Variants in CTNNA3 observed in about 807,000 individuals in gnomAD.
The protein encoded by CTNNA3 is catenin alpha 3.
A neutral mutation model predicts 95.7 loss-of-function variants in CTNNA3; 76 were observed. The observed-to-expected ratio is 0.79, with a 90% CI of 0.66 to 0.96. The LOEUF (loss-of-function observed/expected upper bound fraction) is 0.96. Ranked by LOEUF, CTNNA3 falls within the 40% of genes least tolerant of loss-of-function variation. The probability of loss-of-function intolerance (pLI) is 0.00; values close to 1 mark genes in which losing one functional copy is unlikely to be tolerated. For synonymous variants in CTNNA3, 431 were observed against 374.4 expected, an observed-to-expected ratio of 1.15 and a Z score of -1.74; for missense variants, 1,191 against 1,089.8, an observed-to-expected ratio of 1.09 and a Z score of -1.31.
intron 9 of CTNNA3, among the ~76,000 whole-genome samples, chr10:66,651,748 G>A (rs1474073007): frequency 2.0e-5 from 3 of 151,102 alleles, no homozygotes; most frequent in Non-Finnish European, 2.9e-5. Flanking sequence ...GTGCTGGCCT[G>A]CGGCTCCGAG....
At chr10:67,615,744 C>T (rs1843634157) in intron 2 of CTNNA3, among the ~76,000 whole-genome samples, 1 of 144,064 alleles carries the variant, frequency 6.9e-6, no homozygotes, top group African/African-American at 2.6e-5. Context: ...CTCACTGCAA[C>T]CTCTGCCTCC....
chr10:67,207,881 A>T (rs1163014341), intron 6 of CTNNA3, among the ~76,000 whole-genome samples: 1 of 152,172 alleles, frequency 6.6e-6, no homozygotes, highest in African/African-American at 2.4e-5. Flanking sequence ...TCATCATCAG[A>T]GTATGTCTAA....
chr10:66,813,374 G>A (rs1222626570), intron 7 of CTNNA3, among the ~76,000 whole-genome samples: 1 of 152,052 alleles, frequency 6.6e-6, no homozygotes, highest in Non-Finnish European at 1.5e-5. Flanking sequence ...GTGAAAACAG[G>A]CGTCTACTCA....
intron 15 of CTNNA3, among the ~76,000 whole-genome samples, chr10:66,007,082 A>G (rs1344093117): frequency 6.6e-6 from 1 of 152,110 alleles, no homozygotes; most frequent in Non-Finnish European, 1.5e-5. Context: ...GACACCGTAA[A>G]GCTTACTATT....
At chr10:66,667,120 A>G (rs765408521) in intron 9 of CTNNA3, among the ~76,000 whole-genome samples, 1 of 151,850 alleles carries the variant, frequency 6.6e-6, no homozygotes, top group Non-Finnish European at 1.5e-5. Flanking sequence ...GTTGAAAGGT[A>G]TTTTCACTAC....
In CTNNA3 at chr10:66,033,276, G is replaced by A. The variant is rs923628138; in HGVS notation, c.2159+36032C>T. On this transcript the variant is annotated intron_variant, in intron 15 of 17. Transcript: ENST00000433211. ...CTCCCAAGTAGCTGGGACTACAGGC[G>A]CCCACCACCACGCCCGGCTAATTTT... Among the ~76,000 whole-genome samples the A allele has an allele frequency of 4.6e-5, 7 of 151,470 alleles. No individual in the cohort carries two copies. The South Asian group carries it at 6.3e-4, about 14-fold the overall frequency.
At chr10:67,023,561 A>G (rs7095449) in intron 7 of CTNNA3, among the ~76,000 whole-genome samples, 2 of 152,176 alleles carry the variant, frequency 1.3e-5, no homozygotes, top group African/African-American at 4.8e-5. Context: ...CTCATACCCA[A>G]GCAAAGTCTA....
At chr10:66,139,391 C>T (rs1392637604) in intron 13 of CTNNA3, among the ~76,000 whole-genome samples, 1 of 152,122 alleles carries the variant, frequency 6.6e-6, no homozygotes, top group East Asian at 1.9e-4. Context: ...ACTCATATGT[C>T]ATATGAATGG....
chr10:66,948,402 A>T (rs1589471394), intron 7 of CTNNA3, among the ~76,000 whole-genome samples: 1 of 152,232 alleles, frequency 6.6e-6, no homozygotes, highest in East Asian at 1.9e-4. Flanking sequence ...ATAGGATAAA[A>T]GACAAATGCA....
intron 13 of CTNNA3, among the ~76,000 whole-genome samples, chr10:66,175,391 T>C (rs1465955950): frequency 6.6e-6 from 1 of 152,154 alleles, no homozygotes; most frequent in Non-Finnish European, 1.5e-5. Context: ...TACTATAAAA[T>C]ACCATTTCAG....
chr10:67,221,264 T>G (rs78652230), intron 5 of CTNNA3, among the ~76,000 whole-genome samples: 3,051 of 152,306 alleles, frequency 0.02, 109 homozygotes, highest in African/African-American at 0.067. Flanking sequence ...GTACCACCTT[T>G]GCAACTTTTC....
intron 9 of CTNNA3, among the ~76,000 whole-genome samples, chr10:66,693,566 A>G (rs1847641821): frequency 6.6e-6 from 1 of 151,848 alleles, no homozygotes; most frequent in Non-Finnish European, 1.5e-5. Context: ...ACAGAAAGTT[A>G]ACAAGGATAC....
chr10:66,371,718 T>C (rs2092755865), intron 12 of CTNNA3, among the ~76,000 whole-genome samples: 1 of 152,100 alleles, frequency 6.6e-6, no homozygotes, highest in South Asian at 2.1e-4. Context: ...AAGCCCTTTA[T>C]TATGCAGGGA....
chr10:66,945,222 G>A (rs1589465460), intron 7 of CTNNA3, among the ~76,000 whole-genome samples: 1 of 152,300 alleles, frequency 6.6e-6, no homozygotes, highest in African/African-American at 2.4e-5. Context: ...AAGTTCTGTT[G>A]TATAGTGTAA....
intron 16 of CTNNA3, among the ~76,000 whole-genome samples, chr10:65,968,491 C>T (rs1185677443): frequency 6.6e-6 from 1 of 152,190 alleles, no homozygotes; most frequent in Non-Finnish European, 1.5e-5. Flanking sequence ...TTGCTCCATA[C>T]CCAGGCAGAT....
intron 12 of CTNNA3, among the ~76,000 whole-genome samples, chr10:66,282,805 T>G (rs890289348): frequency 6.6e-6 from 1 of 151,900 alleles, no homozygotes; most frequent in Non-Finnish European, 1.5e-5. Flanking sequence ...TTACAAGTTT[T>G]CAATTGTTCC....
chr10:67,448,945 A>G (rs1391839383), intron 5 of CTNNA3, among the ~76,000 whole-genome samples: 1 of 151,414 alleles, frequency 6.6e-6, no homozygotes, highest in Non-Finnish European at 1.5e-5. Flanking sequence ...TCATAGTCTC[A>G]GCCCAAAAGG....
intron 5 of CTNNA3, among the ~76,000 whole-genome samples, chr10:67,373,106 G>C (rs1303036161): frequency 6.6e-6 from 1 of 152,176 alleles, no homozygotes; most frequent in East Asian, 1.9e-4. Flanking sequence ...ATAATGACAG[G>C]ATGATTCACA....
chr10:67,285,619 C>T (rs1839566500), intron 5 of CTNNA3, among the ~76,000 whole-genome samples: 2 of 152,254 alleles, frequency 1.3e-5, no homozygotes, highest in South Asian at 4.1e-4. Context: ...TAAAGTAACA[C>T]TTGTTTTGTA....
Sources: gnomAD v4.1 joint callset for allele counts (sites outside exome capture counted in the v4.1 genomes callset) on GRCh38, gnomAD v4.1.1 for gene constraint, MANE v1.5 for transcripts, NCBI Gene and HGNC (gene_info 2026-07-23, HGNC 2026-07-21) for gene names.